Variants in PTCHD4 observed in about 807,000 individuals in gnomAD.
The protein encoded by PTCHD4 is patched domain containing 4, also known as patched domain-containing protein 4.
Under a neutral mutation model 58.1 loss-of-function variants are expected in PTCHD4, and 33 were observed. That is an observed-to-expected ratio of 0.57 (90% CI 0.43 to 0.76). The LOEUF is 0.76. Ranked by LOEUF, PTCHD4 falls within the 30% of genes least tolerant of loss-of-function variation. The pLI, the probability that PTCHD4 is intolerant of heterozygous loss-of-function variation, is 0.00. For synonymous variants in PTCHD4, 478 were observed against 409.6 expected, an observed-to-expected ratio of 1.17 and a Z score of -2.02; for missense variants, 1,058 against 1,027.1, an observed-to-expected ratio of 1.03 and a Z score of -0.41.
chr6:47,958,689 G>A (rs1397508465), intron 4 of PTCHD4, among the ~76,000 whole-genome samples: 1 of 152,140 alleles, frequency 6.6e-6, no homozygotes, highest in East Asian at 1.9e-4. Context: ...CAAGAATTCA[G>A]GGGAGTACTG....
At chr6:48,052,615 G>A (rs1386705874) in intron 3 of PTCHD4, among the ~76,000 whole-genome samples, 1 of 152,050 alleles carries the variant, frequency 6.6e-6, no homozygotes, top group Non-Finnish European at 1.5e-5. Context: ...TGTTAGAGCA[G>A]TAAATAGAAA....
At chr6:47,899,519 A>G (rs1764632284) in intron 4 of PTCHD4, 1 of 907,954 alleles carries the variant, frequency 1.1e-6, no homozygotes, top group East Asian at 1.2e-4. Context: ...GAGTCTAGTG[A>G]GCAAGTATTT....
intron 4 of PTCHD4, among the ~76,000 whole-genome samples, chr6:47,898,359 T>G (rs1764590756): frequency 6.6e-6 from 1 of 152,214 alleles, no homozygotes; most frequent in South Asian, 2.1e-4. Flanking sequence ...TAATATTAAT[T>G]TTTAAATTTC....
chr6:48,009,427 C>A (rs1762592035), intron 3 of PTCHD4, among the ~76,000 whole-genome samples: 1 of 152,194 alleles, frequency 6.6e-6, no homozygotes, highest in Admixed American at 6.5e-5. Context: ...CCTTTTGTAA[C>A]AATCCATTAC....
At chr6:47,955,113 C>T (rs150307462) in intron 4 of PTCHD4, among the ~76,000 whole-genome samples, 1 of 152,288 alleles carries the variant, frequency 6.6e-6, no homozygotes, top group East Asian at 1.9e-4. Context: ...GGGATACTCA[C>T]ATTGCAAATT....
intron 1 of PTCHD4, among the ~76,000 whole-genome samples, chr6:48,083,542 T>C (rs1765205189): frequency 6.6e-6 from 1 of 152,176 alleles, no homozygotes; most frequent in African/African-American, 2.4e-5. Flanking sequence ...ACATTGCAGA[T>C]ATAATTAGGA....
chr6:48,071,485 AG>A (rs1764974269), intron 1 of PTCHD4, among the ~76,000 whole-genome samples: 1 of 152,342 alleles, frequency 6.6e-6, no homozygotes, highest in East Asian at 1.9e-4. Flanking sequence ...GTTTATTGCT[AG>A]ATGATGGGAT....
At chr6:48,101,992 T>C (rs575895441) in intron 1 of PTCHD4, among the ~76,000 whole-genome samples, 1 of 152,262 alleles carries the variant, frequency 6.6e-6, no homozygotes, top group East Asian at 1.9e-4. Flanking sequence ...CCCACCAAAC[T>C]TCAGGTCATG....
chr6:48,013,375 G>GTTTTT (rs5876042), intron 3 of PTCHD4, among the ~76,000 whole-genome samples: 5 of 145,364 alleles, frequency 3.4e-5, no homozygotes, highest in Admixed American at 6.8e-5. Flanking sequence ...TTTCAGTTGA[G>GTTTTT]TTTTTTTTTT....
At chr6:48,040,729 A>G (rs1236348535) in intron 3 of PTCHD4, among the ~76,000 whole-genome samples, 2 of 152,092 alleles carry the variant, frequency 1.3e-5, no homozygotes, top group African/African-American at 4.8e-5. Flanking sequence ...GGATACTATT[A>G]GTATTCACAT....
intron 1 of PTCHD4, among the ~76,000 whole-genome samples, chr6:48,106,271 T>A (rs996928088): frequency 6.6e-6 from 1 of 152,154 alleles, no homozygotes; most frequent in South Asian, 2.1e-4. Flanking sequence ...GTGGGCTTCA[T>A]CCCTGGGATG....
At chr6:48,107,975 A>G (rs1487950245) in intron 1 of PTCHD4, among the ~76,000 whole-genome samples, 1 of 152,162 alleles carries the variant, frequency 6.6e-6, no homozygotes, top group Non-Finnish European at 1.5e-5. Context: ...GGATGTGGAG[A>G]AATAGGAACA....
intron 4 of PTCHD4, among the ~76,000 whole-genome samples, chr6:47,986,903 C>T (rs537404999): frequency 2.6e-5 from 4 of 152,276 alleles, no homozygotes; most frequent in African/African-American, 9.6e-5. Context: ...CTTGATATCA[C>T]ACGCAACAGT....
Position 47,869,669 on chromosome 6 carries a change from T to C in PTCHD4, c.*8634A>G, listed in dbSNP as rs909862047. Reference sequence around the variant, plus strand: ...CTTTATCTTAACCACGGAGAGATAATTGATATATATCATCACAGTATTATT... The same window carrying C: ...CTTTATCTTAACCACGGAGAGATAACTGATATATATCATCACAGTATTATT... On this transcript the variant is annotated 3_prime_UTR_variant, in exon 5 of 5. Transcript: ENST00000339488. 1.3e-5 allele frequency among the ~76,000 whole-genome samples: 2 copies of C among 151,704 alleles called. No homozygotes were observed. Among genetic ancestry groups the C allele is most frequent in the Non-Finnish European group, 3.0e-5 (2 of 67,758 alleles).
chr6:48,102,179 C>G (rs566740246), intron 1 of PTCHD4, among the ~76,000 whole-genome samples: 2 of 152,338 alleles, frequency 1.3e-5, no homozygotes, highest in African/African-American at 4.8e-5. Flanking sequence ...ACTCCTCACT[C>G]TTCTTCCTTG....
rs1380708875 is a variant in PTCHD4 at position 47,865,829 on chromosome 6, A to G, written c.*12474T>C. Reference sequence around the variant, plus strand: ...AAAGTAATCTGAGTCCATCAAATCAAATATAAATTCTGCAGCATGATGTTT... The same window carrying G: ...AAAGTAATCTGAGTCCATCAAATCAGATATAAATTCTGCAGCATGATGTTT... On this transcript the variant is annotated 3_prime_UTR_variant, in exon 5 of 5. Transcript: ENST00000339488. Among the ~76,000 whole-genome samples the G allele has an allele frequency of 1.3e-5, 2 of 151,884 alleles. No individual in the cohort carries two copies. Among genetic ancestry groups the G allele is most frequent in the Non-Finnish European group, 2.9e-5 (2 of 67,894 alleles).
intron 1 of PTCHD4, among the ~76,000 whole-genome samples, chr6:48,089,858 G>A (rs969052981): frequency 6.6e-6 from 1 of 152,096 alleles, no homozygotes; most frequent in Admixed American, 6.5e-5. Context: ...TCCACATTCT[G>A]CACTACCTGT....
At chr6:48,017,685 A>G (rs1292516194) in intron 3 of PTCHD4, among the ~76,000 whole-genome samples, 4 of 152,220 alleles carry the variant, frequency 2.6e-5, no homozygotes, top group African/African-American at 9.6e-5. Flanking sequence ...TCAAGTCAAC[A>G]ATAAGGACAT....
intron 4 of PTCHD4, among the ~76,000 whole-genome samples, chr6:47,893,492 T>C (rs1764442278): frequency 6.6e-6 from 1 of 152,238 alleles, no homozygotes; most frequent in Non-Finnish European, 1.5e-5. Flanking sequence ...CATGCATTAA[T>C]AATCAAGAGG....
Sources: allele counts gnomAD v4.1 joint callset (sites outside exome capture counted in the v4.1 genomes callset), GRCh38; gene constraint gnomAD v4.1.1; transcripts MANE v1.5; gene names NCBI Gene and HGNC (gene_info 2026-07-23, HGNC 2026-07-21).